CDH12: variants seen among roughly 807,000 people sequenced by gnomAD.
CDH12 encodes cadherin-12.
Under a neutral mutation model 74.1 loss-of-function variants are expected in CDH12, and 41 were observed. The observed-to-expected ratio is 0.55, with a 90% CI of 0.43 to 0.72. The LOEUF (loss-of-function observed/expected upper bound fraction) is 0.72, where lower values mean the gene tolerates loss of function less well. Among genes scored for constraint, CDH12 ranks in the 30% least tolerant of loss-of-function variants. The pLI is 0.00. For synonymous variants in CDH12, 399 were observed against 355.0 expected (o/e 1.12, Z -1.39); for missense variants, 945 against 977.2 (o/e 0.97, Z 0.44).
chr5:21,801,851 C>T (rs1205288884), intron 10 of CDH12, among the ~76,000 whole-genome samples: 1 of 152,106 alleles, frequency 6.6e-6, no homozygotes, highest in Non-Finnish European at 1.5e-5. Flanking sequence ...TTATGAGAAT[C>T]ATTCTCTAAA....
At chr5:22,295,479 A>G (rs1046430624) in intron 3 of CDH12, among the ~76,000 whole-genome samples, 2 of 152,168 alleles carry the variant, frequency 1.3e-5, no homozygotes, top group African/African-American at 2.4e-5. Context: ...TTACAAATTC[A>G]CACTCTTTGA....
intron 1 of CDH12, among the ~76,000 whole-genome samples, chr5:22,698,741 T>TATATATATATA (rs1561586190): frequency 2.8e-5 from 1 of 35,582 alleles, no homozygotes; most frequent in Non-Finnish European, 5.7e-5. Context: ...ATATAGTGTG[T>TATATATATATA]GTGTGTGTGT....
At chr5:22,038,949 G>A (rs903168881) in intron 5 of CDH12, among the ~76,000 whole-genome samples, 3 of 152,122 alleles carry the variant, frequency 2.0e-5, no homozygotes, top group South Asian at 2.1e-4. Flanking sequence ...TAGACTCTGA[G>A]ATGCTGAACG....
chr5:22,432,073 G>C (rs1384578084), intron 2 of CDH12, among the ~76,000 whole-genome samples: 1 of 152,036 alleles, frequency 6.6e-6, no homozygotes, highest in Non-Finnish European at 1.5e-5. Context: ...CTCACCCAGA[G>C]CAACTGCCAG....
chr5:22,498,786 T>A (rs1428783283), intron 2 of CDH12, among the ~76,000 whole-genome samples: 2 of 151,610 alleles, frequency 1.3e-5, no homozygotes, highest in Non-Finnish European at 2.9e-5. Context: ...CATTATATAA[T>A]GATTAAATCA....
chr5:21,961,473 C>T (rs192828054), intron 6 of CDH12, among the ~76,000 whole-genome samples: 10 of 152,138 alleles, frequency 6.6e-5, no homozygotes, highest in Non-Finnish European at 1.0e-4. Flanking sequence ...AATTTGAGTG[C>T]GTTATGGGTT....
intron 2 of CDH12, among the ~76,000 whole-genome samples, chr5:22,482,869 A>G (rs1182484615): frequency 6.6e-6 from 1 of 152,174 alleles, no homozygotes; most frequent in Admixed American, 6.5e-5. Flanking sequence ...TGTCCATCAT[A>G]AAATGTCCAA....
intron 1 of CDH12, among the ~76,000 whole-genome samples, chr5:22,834,356 A>C (rs148958371): frequency 0.012 from 1,891 of 152,282 alleles, 45 homozygotes; most frequent in African/African-American, 0.044. Flanking sequence ...ATATTTGCAG[A>C]GAGATTTAAT....
At chr5:22,368,402 GA>G (rs1580572371) in intron 3 of CDH12, among the ~76,000 whole-genome samples, 1 of 151,580 alleles carries the variant, frequency 6.6e-6, no homozygotes, top group East Asian at 1.9e-4. Context: ...AGGCTCATGT[GA>G]TCCTCTCAAG....
chr5:22,515,138 G>T (rs1736752470), intron 1 of CDH12, among the ~76,000 whole-genome samples: 1 of 151,972 alleles, frequency 6.6e-6, no homozygotes, highest in Admixed American at 6.6e-5. Context: ...TTAAGAAAAG[G>T]ATATAATACT....
At chr5:22,453,537 C>T (rs943057293) in intron 2 of CDH12, among the ~76,000 whole-genome samples, 5 of 151,962 alleles carry the variant, frequency 3.3e-5, no homozygotes, top group African/African-American at 1.2e-4. Flanking sequence ...AAATGATGAT[C>T]CCATAGAAGT....
At chr5:22,124,018 A>G (rs1459152921) in intron 4 of CDH12, among the ~76,000 whole-genome samples, 1 of 151,028 alleles carries the variant, frequency 6.6e-6, no homozygotes, top group African/African-American at 2.4e-5. Context: ...CCCAGGCTGG[A>G]GTGCAGCGGT....
chr5:22,821,783 T>G (rs1182775210), intron 1 of CDH12, among the ~76,000 whole-genome samples: 1 of 151,156 alleles, frequency 6.6e-6, no homozygotes, highest in Admixed American at 6.6e-5. Flanking sequence ...GAAGAATCAA[T>G]ATCATGAAAA....
At chr5:22,141,884 C>A (rs1322127649) in intron 4 of CDH12, among the ~76,000 whole-genome samples, 2 of 152,092 alleles carry the variant, frequency 1.3e-5, no homozygotes, top group African/African-American at 4.8e-5. Flanking sequence ...TGCACAATAA[C>A]CATAAGAAGT....
At chr5:22,454,939 A>G (rs2126570609) in intron 2 of CDH12, among the ~76,000 whole-genome samples, 1 of 152,310 alleles carries the variant, frequency 6.6e-6, no homozygotes, top group Non-Finnish European at 1.5e-5. Context: ...TCAGATGATA[A>G]CAATGTGGGA....
At chr5:22,237,743 CA>C (rs1183619462) in intron 3 of CDH12, among the ~76,000 whole-genome samples, 1 of 152,072 alleles carries the variant, frequency 6.6e-6, no homozygotes, top group East Asian at 1.9e-4. Context: ...CCATGAGGTG[CA>C]TATAAATTTT....
intron 1 of CDH12, among the ~76,000 whole-genome samples, chr5:22,677,263 A>G (rs542200234): frequency 3.9e-5 from 6 of 152,282 alleles, no homozygotes; most frequent in African/African-American, 1.4e-4. Flanking sequence ...GTATAAGAGA[A>G]TACCTTAGAT....
intron 1 of CDH12, among the ~76,000 whole-genome samples, chr5:22,700,399 T>C (rs1190364762): frequency 6.6e-6 from 1 of 152,160 alleles, no homozygotes. Context: ...CCTCACCACA[T>C]GGGCATGTGT....
intron 6 of CDH12, among the ~76,000 whole-genome samples, chr5:21,874,600 G>C (rs1194505139): frequency 1.3e-5 from 2 of 152,106 alleles, no homozygotes; most frequent in African/African-American, 4.8e-5. Context: ...CCCATTGTAT[G>C]GGAGCTCTGT....
Sources: allele counts gnomAD v4.1 joint callset (sites outside exome capture counted in the v4.1 genomes callset), GRCh38; gene constraint gnomAD v4.1.1; transcripts MANE v1.5; gene names NCBI Gene and HGNC (gene_info 2026-07-23, HGNC 2026-07-21).